KPNA6: variants seen among roughly 807,000 people sequenced by gnomAD.
KPNA6 encodes karyopherin subunit alpha 6.
In KPNA6, 9 loss-of-function variants were observed where a neutral mutation model predicts 72.0. That is an observed-to-expected ratio of 0.13 (90% CI 0.08 to 0.22). KPNA6 has a LOEUF of 0.22. Ranked by LOEUF, KPNA6 falls within the 10% of genes least tolerant of loss-of-function variation. The probability of loss-of-function intolerance (pLI) is 1.00; values close to 1 mark genes in which losing one functional copy is unlikely to be tolerated. For missense variants in KPNA6, 374 were observed against 655.7 expected, an observed-to-expected ratio of 0.57 and a Z score of 4.69; for synonymous variants, 219 against 242.1, an observed-to-expected ratio of 0.90 and a Z score of 0.89.
intron 1 of KPNA6, among the ~76,000 whole-genome samples, chr1:32,153,174 G>C (rs1642067819): frequency 6.6e-6 from 1 of 151,978 alleles, no homozygotes; most frequent in Non-Finnish European, 1.5e-5. Flanking sequence ...AATAAAAATA[G>C]TCAAGTCTCT....
intron 1 of KPNA6, among the ~76,000 whole-genome samples, chr1:32,133,786 A>G (rs577134615): frequency 1.1e-3 from 171 of 152,318 alleles, no homozygotes; most frequent in African/African-American, 4.0e-3. Flanking sequence ...CACCCCTGTA[A>G]TCCCAGCACT....
intron 1 of KPNA6, among the ~76,000 whole-genome samples, chr1:32,110,829 G>A (rs975098733): frequency 3.3e-5 from 5 of 152,110 alleles, no homozygotes; most frequent in African/African-American, 7.2e-5. Context: ...CCCGGGAGGC[G>A]GAGGTTGCAG....
chr1:32,153,029 A>G (rs1424670932), intron 1 of KPNA6, among the ~76,000 whole-genome samples: 1 of 146,512 alleles, frequency 6.8e-6, no homozygotes, highest in Non-Finnish European at 1.5e-5. Flanking sequence ...AAAAAAAAAA[A>G]AAAAAAAAAG....
Position 32,167,190 on chromosome 1 carries a change from T to C in KPNA6, c.1138T>C (p.Phe380Leu), listed in dbSNP as rs751728717. The part of the protein sequence containing the change: ...QIQAVIDANI[F>L]PVLIEILQKA... ...TCAGGCTGTTATAGATGCAAATATC[T>C]TCCCTGTGTTGATCGAAATCCTTCA... The change falls in exon 12 of 14, where the codon TTC becomes CTC. Residue 380 changes from phenylalanine (F) to leucine (L), a missense_variant. Phe to Leu is a conservative substitution (Grantham distance 22, BLOSUM62 0). Coordinates refer to ENST00000373625, the MANE Select transcript of KPNA6 (RefSeq NM_012316.5). The C allele has an allele frequency of 6.2e-6, 10 of 1,613,924 alleles. No homozygotes were observed. The highest frequency in any genetic ancestry group is 1.6e-4 in the Middle Eastern group (1 of 6,062).
In KPNA6 at chr1:32,173,888, G is replaced by T. The variant is rs192402543; in HGVS notation, c.*2994G>T. 26 of 152,318 alleles carry T rather than the reference G, an allele frequency of 1.7e-4. No individual in the cohort carries two copies. The highest frequency in any genetic ancestry group is 6.3e-4 in the African/African-American group (26 of 41,510). The allele number at this position is 152,318 out of a possible 1,614,324, so 9.4% of individuals were successfully genotyped here. A position where few individuals can be genotyped will look rare whatever the true frequency, so the allele number is the denominator to read the frequency against. Reference sequence around the variant, plus strand: ...ATCCTTTTTAAGATCTCTGGTTGGGGGTATCTGGATATGGATTAGGAGGGA... The same window carrying T: ...ATCCTTTTTAAGATCTCTGGTTGGGTGTATCTGGATATGGATTAGGAGGGA... On this transcript the variant is annotated 3_prime_UTR_variant, in exon 14 of 14. Transcript: ENST00000373625.
At chr1:32,156,577 T>C (rs1011330404) in intron 2 of KPNA6, among the ~76,000 whole-genome samples, 8 of 152,216 alleles carry the variant, frequency 5.3e-5, no homozygotes, top group African/African-American at 1.9e-4. Context: ...CAAGATAGCG[T>C]GAAACTTCAA....
intron 1 of KPNA6, among the ~76,000 whole-genome samples, chr1:32,115,039 C>A (rs745632390): frequency 2.6e-5 from 4 of 152,096 alleles, no homozygotes; most frequent in Non-Finnish European, 5.9e-5. Flanking sequence ...AGTGTTTCGC[C>A]GTGTTGGCCA....
At chr1:32,156,007 C>T (rs867715793) in intron 2 of KPNA6, among the ~76,000 whole-genome samples, 1 of 149,158 alleles carries the variant, frequency 6.7e-6, no homozygotes, top group African/African-American at 2.5e-5. Flanking sequence ...TCCACCTGCC[C>T]TGGCCTCCCA....
intron 1 of KPNA6, among the ~76,000 whole-genome samples, chr1:32,119,020 ATATATATATATATT>A (rs1641381784): frequency 1.4e-5 from 1 of 72,884 alleles, no homozygotes. Flanking sequence ...ATATATATAT[ATATATATATATATT>A]TTTTTTTTTT....
intron 1 of KPNA6, among the ~76,000 whole-genome samples, chr1:32,111,693 C>G (rs1377709876): frequency 6.6e-6 from 1 of 152,180 alleles, no homozygotes; most frequent in Non-Finnish European, 1.5e-5. Context: ...CACATGCCCA[C>G]AAGTACGGAA....
chr1:32,113,176 A>AG (rs1641269022), intron 1 of KPNA6, among the ~76,000 whole-genome samples: 1 of 152,092 alleles, frequency 6.6e-6, no homozygotes, highest in Admixed American at 6.6e-5. Flanking sequence ...GGACTGCTTG[A>AG]GCTCAAGAGT....
intron 4 of KPNA6, 34 bp from the exon 5 acceptor site, chr1:32,158,233 C>G: frequency 6.9e-7 from 1 of 1,442,808 alleles, no homozygotes. Flanking sequence ...AAAAGCTTCT[C>G]CTGTGTTTTT....
chr1:32,156,722 G>A, intron 2 of KPNA6, 131 bp from the exon 3 acceptor site: 4 of 634,630 alleles, frequency 6.3e-6, no homozygotes, highest in Non-Finnish European at 1.1e-5. Flanking sequence ...GGAGACTAAT[G>A]TATAAAGCTT....
At chr1:32,126,105 C>T (rs1292382138) in intron 1 of KPNA6, among the ~76,000 whole-genome samples, 5 of 151,126 alleles carry the variant, frequency 3.3e-5, no homozygotes, top group Non-Finnish European at 2.9e-5. Flanking sequence ...AGGCTGGTTG[C>T]AAACTCCTGG....
intron 1 of KPNA6, among the ~76,000 whole-genome samples, chr1:32,151,305 C>T (rs1642028701): frequency 6.6e-6 from 1 of 152,122 alleles, no homozygotes; most frequent in Admixed American, 6.6e-5. Flanking sequence ...CTCTACTATG[C>T]CCTAAGTGAT....
chr1:32,152,474 A>G (rs1005578249), intron 1 of KPNA6, among the ~76,000 whole-genome samples: 2 of 152,248 alleles, frequency 1.3e-5, no homozygotes, highest in African/African-American at 4.8e-5. Context: ...AATCAAAAGT[A>G]ATTAGATATT....
At chr1:32,149,397 A>G (rs575063346) in intron 1 of KPNA6, among the ~76,000 whole-genome samples, 1 of 152,072 alleles carries the variant, frequency 6.6e-6, no homozygotes, top group Non-Finnish European at 1.5e-5. Flanking sequence ...TTTTTATAAA[A>G]TTATTTAAAA....
chr1:32,130,222 A>ATTTTTTTTTTTTTTTTTTT (rs55953899), intron 1 of KPNA6, among the ~76,000 whole-genome samples: 12 of 103,138 alleles, frequency 1.2e-4, no homozygotes, highest in Non-Finnish European at 1.6e-4. Flanking sequence ...GTAGATAAAT[A>ATTTTTTTTTTTTTTTTTTT]TTTTTTTTTT....
chr1:32,125,056 G>A (rs1159027835), intron 1 of KPNA6, among the ~76,000 whole-genome samples: 1 of 151,756 alleles, frequency 6.6e-6, no homozygotes, highest in East Asian at 1.9e-4. Flanking sequence ...TGTTGCCCAG[G>A]CTGGTCTCGA....
Sources: allele counts gnomAD v4.1 joint callset (sites outside exome capture counted in the v4.1 genomes callset), GRCh38; gene constraint gnomAD v4.1.1; transcripts MANE v1.5; gene names NCBI Gene and HGNC (gene_info 2026-07-23, HGNC 2026-07-21).